Variants in F2 observed in about 807,000 individuals in gnomAD.
The protein encoded by F2 is coagulation factor II, thrombin, also known as prothrombin.
F2 carries 34 observed loss-of-function variants against 81.9 expected under a neutral mutation model. That is an observed-to-expected ratio of 0.42 (90% CI 0.32 to 0.55). F2 has a LOEUF of 0.55. Among genes scored for constraint, F2 ranks in the 20% least tolerant of loss-of-function variants. The pLI is 0.18. For missense variants in F2, 630 were observed against 833.4 expected (o/e 0.76, Z 3.00); for synonymous variants, 296 against 326.4 (o/e 0.91, Z 1.01).
chr11:46,726,128 G>A lies in F2; in HGVS notation c.829G>A (p.Ala277Thr). 3.1e-6 allele frequency: 5 copies of A among 1,614,174 alleles called. No individual in the cohort carries two copies. The Middle Eastern group carries it at 8.2e-4, about 266-fold the overall frequency. Residue 277 changes from alanine to threonine, a missense_variant, in exon 7 of 14, where the codon GCC (alanine) becomes ACC (threonine). Transcript: ENST00000311907. This position sits in a 1 kb window ranked among gnomAD's most constrained non-coding sequence, Gnocchi z 5.9. Reference protein sequence around the residue: ...GDEEGVWCYVAGKPGDFGYCD... With the variant: ...GDEEGVWCYVTGKPGDFGYCD... ...TGAGGAGGGCGTGTGGTGCTATGTGGCCGGGAAGCCTGGCGACTTTGGGTA... is the reference window on the plus strand; with the variant it reads ...TGAGGAGGGCGTGTGGTGCTATGTGACCGGGAAGCCTGGCGACTTTGGGTA...
At chr11:46,737,397 C>T (rs546590781) in intron 12 of F2, among the ~76,000 whole-genome samples, 106 of 151,406 alleles carry the variant, frequency 7.0e-4, no homozygotes, top group African/African-American at 2.5e-3. Context: ...CTGCCTCAGC[C>T]TCCCAAAGTG....
At position 46,719,255 on chromosome 11, in the gene F2, T is replaced by TG; in HGVS notation, c.21dup (p.Gln8AlafsTer13). The TG allele has an allele frequency of 6.2e-7, 1 of 1,613,820 alleles. No individual in the cohort carries two copies. Among genetic ancestry groups the TG allele is most frequent in the Non-Finnish European group, 8.5e-7 (1 of 1,180,018 alleles). On this transcript the variant is annotated frameshift_variant, in exon 1 of 14. Transcript: ENST00000311907. LOFTEE classifies it high-confidence loss of function. This position sits in a 1 kb window ranked among gnomAD's most constrained non-coding sequence, Gnocchi z 4.7. ...CACACTATGGCGCACGTCCGAGGCT[T>TG]GCAGCTGCCTGGCTGCCTGGCCCTG... is the stretch of plus-strand genomic sequence containing the variant.
Position 46,739,306 on chromosome 11 carries a change from A to C in F2, c.1767A>C (p.Ser589=). 1.2e-6 allele frequency: 2 copies of C among 1,614,116 alleles called. No individual in the cohort carries two copies. Among genetic ancestry groups the C allele is most frequent in the Non-Finnish European group, 1.7e-6 (2 of 1,180,014 alleles). Residue 589 remains serine (S), a synonymous_variant, in exon 14 of 14, where the codon TCA becomes TCC. Transcript: ENST00000311907. The part of the protein sequence containing the change: ...NNRWYQMGIV[S]WGEGCDRDGK... The stretch of plus-strand genomic sequence containing the variant: ...GCTGGTATCAAATGGGCATCGTCTC[A>C]TGGGGTGAAGGCTGTGACCGGGATG...
At chr11:46,721,805 T>C (rs544401170) in intron 4 of F2, among the ~76,000 whole-genome samples, 62 of 152,034 alleles carry the variant, frequency 4.1e-4, no homozygotes, top group African/African-American at 1.5e-3. Flanking sequence ...AGTAGGATTA[T>C]AAGTGTGAGC....
At chr11:46,736,291 T>C (rs2064944082) in intron 12 of F2, among the ~76,000 whole-genome samples, 1 of 152,240 alleles carries the variant, frequency 6.6e-6, no homozygotes, top group African/African-American at 2.4e-5. Flanking sequence ...TTTTCATTTA[T>C]TTATTTGAAA....
Position 46,728,808 on chromosome 11 carries a change from G to A in F2, c.1443G>A (p.Val481=). Reference sequence around the variant, plus strand: ...CCTTCAGTGACTACATTCACCCTGTGTGTCTGCCCGACAGGGAGACGGCAG... The same window carrying A: ...CCTTCAGTGACTACATTCACCCTGTATGTCTGCCCGACAGGGAGACGGCAG... ...PVAFSDYIHP[V]CLPDRETAAS... is the part of the protein sequence containing the mutation. The change falls in exon 11 of 14, where the codon GTG becomes GTA. Residue 481 remains valine, a synonymous_variant. Transcript: ENST00000311907. The surrounding 1 kb of genome is among the most constrained non-coding windows in gnomAD (Gnocchi z 5.1). The A allele has an allele frequency of 1.2e-6, 2 of 1,614,128 alleles. No homozygotes were observed. The highest frequency in any genetic ancestry group is 1.7e-6 in the Non-Finnish European group (2 of 1,180,046).
At chr11:46,727,646 C>T (rs890032190) in intron 9 of F2, among the ~76,000 whole-genome samples, 62 of 152,088 alleles carry the variant, frequency 4.1e-4, no homozygotes, top group Non-Finnish European at 5.9e-5. Flanking sequence ...GGTGTAGCAG[C>T]ATGTCCCTGT....
intron 12 of F2, 48 bp downstream of exon 12, chr11:46,729,609 G>A: frequency 6.3e-7 from 1 of 1,593,422 alleles, no homozygotes. Context: ...CCCAAGCTGG[G>A]AGAACTGAGT....
Position 46,726,586 on chromosome 11 carries a change from G to A in F2, c.963G>A (p.Gln321=). ...IEGRTATSEY[Q]TFFNPRTFGS... is the part of the protein sequence containing the mutation. ...GGCGTACCGCCACCAGTGAGTACCA[G>A]ACTTTCTTCAATCCGAGGACCTTTG... Residue 321 remains glutamine (Q), a synonymous_variant, in exon 8 of 14, where the codon CAG becomes CAA. Coordinates refer to ENST00000311907, the MANE Select transcript of F2 (RefSeq NM_000506.5). The surrounding 1 kb of genome is among the most constrained non-coding windows in gnomAD (Gnocchi z 5.9). 1 of 1,614,156 alleles carries A rather than the reference G, an allele frequency of 6.2e-7. No individual in the cohort carries two copies. Among genetic ancestry groups the A allele is most frequent in the Non-Finnish European group, 8.5e-7 (1 of 1,180,006 alleles).
At chr11:46,732,401 CTT>C (rs1203898872) in intron 12 of F2, among the ~76,000 whole-genome samples, 1 of 145,720 alleles carries the variant, frequency 6.9e-6, no homozygotes, top group Non-Finnish European at 1.5e-5. Flanking sequence ...CTTTTTTTTT[CTT>C]TTTTTTTGAG....
In F2 at chr11:46,725,888, C is replaced by A. The variant is rs756297782; in HGVS notation, c.589C>A (p.Pro197Thr). ...GGATCAAGTCACTGTAGCGATGACT[C>A]CACGCTCCGAAGGCTCCAGTGTGAA... ...GQDQVTVAMT[P>T]RSEGSSVNLS... is the part of the protein sequence containing the mutation. The change falls in exon 7 of 14, where the codon CCA (proline) becomes ACA (threonine). Residue 197 changes from proline (P) to threonine (T), a missense_variant. Coordinates refer to ENST00000311907, the MANE Select transcript of F2 (RefSeq NM_000506.5). The A allele has an allele frequency of 1.2e-6, 2 of 1,613,280 alleles. No individual in the cohort carries two copies. The highest frequency in any genetic ancestry group is 2.7e-5 in the African/African-American group (2 of 74,918).
At chr11:46,737,541 C>T (rs948725574) in intron 12 of F2, among the ~76,000 whole-genome samples, 6 of 146,878 alleles carry the variant, frequency 4.1e-5, no homozygotes, top group African/African-American at 5.1e-5. Context: ...CCCGGGTTCA[C>T]GCCATCCTCC....
intron 12 of F2, among the ~76,000 whole-genome samples, chr11:46,733,604 G>C (rs1261820249): frequency 6.6e-6 from 1 of 152,068 alleles, no homozygotes; most frequent in Non-Finnish European, 1.5e-5. Context: ...GGTTGTACCA[G>C]TTTGCATTTC....
At chr11:46,738,985 G>C (rs376965526) in intron 12 of F2, 63 bp from the exon 13 acceptor site, 1 of 1,570,648 alleles carries the variant, frequency 6.4e-7, no homozygotes, top group Non-Finnish European at 8.8e-7. Context: ...GCTGTGTCTC[G>C]TGAAGGGGCG....
chr11:46,735,679 T>C (rs1260015970), intron 12 of F2, among the ~76,000 whole-genome samples: 4 of 150,326 alleles, frequency 2.7e-5, no homozygotes, highest in African/African-American at 9.8e-5. Flanking sequence ...TCCTAGCACT[T>C]TGGGAGGCCG....
In F2 at chr11:46,726,940, A is replaced by C; in HGVS notation, c.1130+103A>C. ...TGCAGGCCTGGGCTTTACAGATGAC[A>C]ACAGCTGAGCATCCAGGATCCCACC... is the stretch of plus-strand genomic sequence containing the variant. On this transcript the variant is annotated intron_variant, in intron 9 of 13. Transcript: ENST00000311907. This position sits in a 1 kb window ranked among gnomAD's most constrained non-coding sequence, Gnocchi z 5.9. 6.4e-7 allele frequency: 1 copy of C among 1,562,832 alleles called. No homozygotes were observed. Among genetic ancestry groups the C allele is most frequent in the Non-Finnish European group, 8.7e-7 (1 of 1,143,220 alleles).
chr11:46,729,505 G>A lies in F2; in HGVS notation c.1598G>A (p.Arg533Gln), dbSNP rs1361766713. ...GTGGTGAACCTGCCCATTGTGGAGC[G>A]GCCGGTCTGCAAGGACTCCACCCGG... Reference protein sequence around the residue: ...LQVVNLPIVERPVCKDSTRIR... With the variant: ...LQVVNLPIVEQPVCKDSTRIR... The change falls in exon 12 of 14, where the codon CGG becomes CAG. Residue 533 changes from arginine (R) to glutamine (Q), a missense_variant. Coordinates refer to ENST00000311907, the MANE Select transcript of F2 (RefSeq NM_000506.5). The A allele has an allele frequency of 6.8e-6, 11 of 1,613,918 alleles. No homozygotes were observed. Among genetic ancestry groups the A allele is most frequent in the Middle Eastern group, 3.3e-4 (2 of 6,082 alleles).
At position 46,725,844 on chromosome 11, in the gene F2, C is replaced by T. The variant is rs763657533; in HGVS notation, c.560-15C>T. 94 of 1,611,598 alleles carry T rather than the reference C, an allele frequency of 5.8e-5. No homozygotes were observed. The highest frequency in any genetic ancestry group is 7.9e-5 in the Non-Finnish European group (93 of 1,179,590). ...TCTCACTCACTCTGCTGCCTCCTTG[C>T]CCCTCACCCACCAGGCCAGGATCAA... is the stretch of plus-strand genomic sequence containing the variant. On this transcript the variant is annotated splice_polypyrimidine_tract_variant and intron_variant, in intron 6 of 13. Coordinates refer to ENST00000311907, the MANE Select transcript of F2 (RefSeq NM_000506.5).
At position 46,719,330 on chromosome 11, in the gene F2, C is replaced by T. The variant is rs1389364265; in HGVS notation, c.79+16C>T. 3.1e-6 allele frequency: 5 copies of T among 1,605,262 alleles called. No homozygotes were observed. Among genetic ancestry groups the T allele is most frequent in the Non-Finnish European group, 4.3e-6 (5 of 1,176,280 alleles). Reference sequence around the variant, plus strand: ...AGCCAGCATGGTAAGGGAGTGCTTGCAGGCTGGAACAGGCTGGAGGACTGG... The same window carrying T: ...AGCCAGCATGGTAAGGGAGTGCTTGTAGGCTGGAACAGGCTGGAGGACTGG... On this transcript the variant is annotated intron_variant, in intron 1 of 13. Coordinates refer to ENST00000311907, the MANE Select transcript of F2 (RefSeq NM_000506.5). This position sits in a 1 kb window ranked among gnomAD's most constrained non-coding sequence, Gnocchi z 4.7.
Sources: gnomAD v4.1 joint callset for allele counts (sites outside exome capture counted in the v4.1 genomes callset) on GRCh38, gnomAD v4.1.1 for gene constraint, Gnocchi (gnomAD v3.1) non-coding constraint, MANE v1.5 for transcripts, NCBI Gene and HGNC (gene_info 2026-07-23, HGNC 2026-07-21) for gene names.